FTO: variants seen among roughly 807,000 people sequenced by gnomAD.
FTO encodes the protein FTO alpha-ketoglutarate dependent dioxygenase.
Under a neutral mutation model 63.9 loss-of-function variants are expected in FTO, and 47 were observed. The ratio of observed to expected loss-of-function variants is 0.74; its 90% confidence interval spans 0.58 to 0.94. The LOEUF is 0.94. Ranked by LOEUF, FTO falls within the 40% of genes least tolerant of loss-of-function variation. The pLI, the probability that FTO is intolerant of heterozygous loss-of-function variation, is 0.00. For missense variants in FTO, 562 were observed against 618.1 expected (o/e 0.91, Z 0.96); for synonymous variants, 207 against 224.4 (o/e 0.92, Z 0.69).
chr16:53,954,954 A>C (rs1414599150), intron 8 of FTO, among the ~76,000 whole-genome samples: 1 of 151,930 alleles, frequency 6.6e-6, no homozygotes, highest in Non-Finnish European at 1.5e-5. Flanking sequence ...TTCATTCCCA[A>C]CTCTTTGGTG....
intron 8 of FTO, among the ~76,000 whole-genome samples, chr16:53,936,598 A>G (rs1409787587): frequency 2.0e-5 from 3 of 152,194 alleles, no homozygotes; most frequent in South Asian, 2.1e-4. Context: ...TGTTTTAGAG[A>G]TTGGCCTATT....
chr16:53,720,252 G>A (rs1195979411), intron 1 of FTO, among the ~76,000 whole-genome samples: 1 of 152,112 alleles, frequency 6.6e-6, no homozygotes, highest in Non-Finnish European at 1.5e-5. Context: ...TCTCTGTGAT[G>A]TTTCATCTGT....
At position 54,121,016 on chromosome 16, in the gene FTO, T is replaced by C. The variant is rs1027190547; in HGVS notation, c.*9101T>C. ...AAATTGAAAGCTGGAGTCAGCAAAGTATAGCCCACAGCCAAATCTGGCCCA... is the reference window on the plus strand; with the variant it reads ...AAATTGAAAGCTGGAGTCAGCAAAGCATAGCCCACAGCCAAATCTGGCCCA... On this transcript the variant is annotated 3_prime_UTR_variant, in exon 9 of 9. Coordinates refer to ENST00000471389, the MANE Select transcript of FTO (RefSeq NM_001080432.3). 8.5e-5 allele frequency: 13 copies of C among 152,636 alleles called. No homozygotes were observed. The highest frequency in any genetic ancestry group is 2.9e-4 in the African/African-American group (12 of 41,546). 9.5% of individuals were successfully genotyped at this position (152,636 alleles called of 1,614,324 possible).
chr16:53,798,723 T>G (rs966299782), intron 1 of FTO, among the ~76,000 whole-genome samples: 1 of 152,206 alleles, frequency 6.6e-6, no homozygotes, highest in Non-Finnish European at 1.5e-5. Context: ...TTTTAAAAAT[T>G]TATTCTCAAT....
intron 8 of FTO, among the ~76,000 whole-genome samples, chr16:53,978,949 A>G (rs978108210): frequency 3.3e-5 from 5 of 152,196 alleles, no homozygotes; most frequent in Admixed American, 2.6e-4. Context: ...CAGTGAGCTG[A>G]GATCATGCCG....
chr16:53,797,032 A>G (rs184627209), intron 1 of FTO, among the ~76,000 whole-genome samples: 61 of 152,272 alleles, frequency 4.0e-4, no homozygotes, highest in Middle Eastern at 3.4e-3. Context: ...AATGGAATCA[A>G]TCAAACAGTA....
chr16:53,835,131 TA>T (rs2079254000), intron 3 of FTO, among the ~76,000 whole-genome samples: 2 of 152,226 alleles, frequency 1.3e-5, no homozygotes, highest in African/African-American at 4.8e-5. Context: ...CATCTCCTCT[TA>T]AGAGCTTCAG....
intron 8 of FTO, among the ~76,000 whole-genome samples, chr16:54,036,147 G>A (rs2084936090): frequency 6.6e-6 from 1 of 152,118 alleles, no homozygotes. Flanking sequence ...TTAAGGCAAA[G>A]CACAAAAAAA....
intron 1 of FTO, among the ~76,000 whole-genome samples, chr16:53,706,698 C>T (rs1193188029): frequency 6.6e-6 from 1 of 152,146 alleles, no homozygotes; most frequent in African/African-American, 2.4e-5. Context: ...TGTGCCTGGC[C>T]AGCATAATGG....
chr16:54,017,080 C>G (rs1309955072), intron 8 of FTO, among the ~76,000 whole-genome samples: 4 of 152,104 alleles, frequency 2.6e-5, no homozygotes, highest in Non-Finnish European at 5.9e-5. Context: ...GAGTGTAAAG[C>G]CTGAGTGGTT....
At chr16:53,769,953 T>C (rs1470341136) in intron 1 of FTO, among the ~76,000 whole-genome samples, 1 of 152,006 alleles carries the variant, frequency 6.6e-6, no homozygotes, top group East Asian at 1.9e-4. Context: ...GTTTAGGGGT[T>C]TTTTATGGGC....
At chr16:53,889,403 A>G (rs1302928460) in intron 7 of FTO, among the ~76,000 whole-genome samples, 1 of 152,238 alleles carries the variant, frequency 6.6e-6, no homozygotes, top group Non-Finnish European at 1.5e-5. Flanking sequence ...AGTAAGTGGC[A>G]CAGCAAGGTG....
chr16:53,795,257 A>T (rs2078031220), intron 1 of FTO, among the ~76,000 whole-genome samples: 1 of 152,242 alleles, frequency 6.6e-6, no homozygotes, highest in Admixed American at 6.5e-5. Flanking sequence ...TAAGGAATTC[A>T]TTCAGAATGT....
chr16:53,755,661 C>T (rs554688917), intron 1 of FTO, among the ~76,000 whole-genome samples: 1 of 152,304 alleles, frequency 6.6e-6, no homozygotes, highest in Admixed American at 6.5e-5. Context: ...TGGACTGCTG[C>T]CCAAAATGCA....
At chr16:53,995,076 G>A (rs1471681314) in intron 8 of FTO, among the ~76,000 whole-genome samples, 2 of 152,162 alleles carry the variant, frequency 1.3e-5, no homozygotes, top group Non-Finnish European at 2.9e-5. Context: ...ACTGCTGTAT[G>A]CAGTGGCCCT....
intron 1 of FTO, chr16:53,711,553 T>C: frequency 2.5e-6 from 1 of 397,908 alleles, no homozygotes. Flanking sequence ...ATTCCTTCCT[T>C]AGAAGATCTG....
At chr16:54,079,426 A>G (rs150281126) in intron 8 of FTO, among the ~76,000 whole-genome samples, 2 of 152,340 alleles carry the variant, frequency 1.3e-5, no homozygotes, top group East Asian at 1.9e-4. Context: ...AAATTTTACT[A>G]GAGTTAGGGA....
chr16:54,116,915 G>A lies in FTO; in HGVS notation c.*5000G>A, dbSNP rs2086978349. ...CAGGCAGCCCTGCTCCCATAGTCCT[G>A]TGTCCCATCGGCCCCATGCTCCCAG... On this transcript the variant is annotated 3_prime_UTR_variant, in exon 9 of 9. Transcript: ENST00000471389. 1 of 152,240 alleles carries A rather than the reference G, an allele frequency of 6.6e-6. No homozygotes were observed. The highest frequency in any genetic ancestry group is 6.5e-5 in the Admixed American group (1 of 15,272). 9.4% of individuals were successfully genotyped at this position (152,240 alleles called of 1,614,324 possible). A position where few individuals can be genotyped will look rare whatever the true frequency, so the allele number is the denominator to read the frequency against.
At chr16:53,756,872 C>T (rs2076935803) in intron 1 of FTO, among the ~76,000 whole-genome samples, 1 of 152,170 alleles carries the variant, frequency 6.6e-6, no homozygotes, top group Non-Finnish European at 1.5e-5. Flanking sequence ...TTTGGTCACA[C>T]ACTAGTTGCT....
Sources: allele counts gnomAD v4.1 joint callset (sites outside exome capture counted in the v4.1 genomes callset), GRCh38; gene constraint gnomAD v4.1.1; transcripts MANE v1.5; gene names NCBI Gene and HGNC (gene_info 2026-07-23, HGNC 2026-07-21).